The following ZNF280C variants were observed in gnomAD, a reference collection of about 807,000 sequenced individuals.
ZNF280C encodes the protein suppressor of hairy wing homolog 3.
ZNF280C carries 14 observed loss-of-function variants against 53.6 expected under a neutral mutation model. The ratio of observed to expected loss-of-function variants is 0.26; its 90% confidence interval spans 0.17 to 0.41. ZNF280C has a LOEUF of 0.41. ZNF280C is among the 10% of genes least tolerant of loss of function. ZNF280C has a pLI of 1.00. For synonymous variants in ZNF280C, 203 were observed against 181.1 expected (o/e 1.12, Z -0.97); for missense variants, 416 against 547.1 (o/e 0.76, Z 2.39).
chrX:130,255,404 T>G (rs2032559007), intron 2 of ZNF280C, among the ~76,000 whole-genome samples: 1 of 104,229 alleles, frequency 9.6e-6, no homozygotes. Context: ...CCTCCCAAAG[T>G]GCTGGGATTA....
chrX:130,250,503 C>T (rs1166281614), intron 2 of ZNF280C, among the ~76,000 whole-genome samples: 3 of 111,923 alleles, frequency 2.7e-5, no homozygotes, highest in Non-Finnish European at 5.6e-5. Flanking sequence ...TTATGAACAC[C>T]TCTATGCACA....
chrX:130,205,394 A>G lies in ZNF280C; in HGVS notation c.2064T>C (p.Leu688=), dbSNP rs1216024939. ...AAGAATCAGCTAGGAAATCACATTT[A>G]AGGCACACTAGAGTAATGCCCCTAT... ...GTLRGITLVC[L]KCDFLADSSG... Residue 688 remains leucine, a synonymous_variant, in exon 17 of 19, where the codon CTT becomes CTC. Transcript: ENST00000370978. 8.4e-7 allele frequency: 1 copy of G among 1,196,304 alleles called. No individual in the cohort carries two copies. The highest frequency in any genetic ancestry group is 1.8e-5 in the African/African-American group (1 of 56,690).
At chrX:130,222,675 G>A (rs2032180955) in intron 12 of ZNF280C, among the ~76,000 whole-genome samples, 1 of 111,390 alleles carries the variant, frequency 9.0e-6, no homozygotes, top group Admixed American at 9.5e-5. Flanking sequence ...ACTTTTTTTT[G>A]TTTTTTGAGA....
At chrX:130,262,105 T>C (rs1309617130) in intron 1 of ZNF280C, among the ~76,000 whole-genome samples, 1 of 112,182 alleles carries the variant, frequency 8.9e-6, no homozygotes, top group Admixed American at 9.5e-5. Context: ...GAGATAGCTT[T>C]TGAGGCCCAA....
rs184920659 is a variant in ZNF280C at position 130,203,441 on chromosome X, C to G, written c.*1536G>C. The G allele has an allele frequency of 9.0e-6, 1 of 111,358 alleles. No homozygotes were observed. Among genetic ancestry groups the G allele is most frequent in the African/African-American group, 3.3e-5 (1 of 30,613 alleles). The allele number at this position is 111,358 out of a possible 1,213,427, so 9.2% of individuals were successfully genotyped here. On this transcript the variant is annotated 3_prime_UTR_variant, in exon 19 of 19. Coordinates refer to ENST00000370978, the MANE Select transcript of ZNF280C (RefSeq NM_017666.5). ...GGAGGACGAGGCGGACTGATCACGA[C>G]GTCAGGAGATCGAGACCATCCTGGC... is the stretch of plus-strand genomic sequence containing the variant.
At chrX:130,227,826 T>TA in intron 10 of ZNF280C, 44 bp from the exon 11 acceptor site, 4 of 723,108 alleles carry the variant, frequency 5.5e-6, no homozygotes, top group Non-Finnish European at 8.5e-6. Context: ...AGGATGTATA[T>TA]AAAAAAAGAT....
chrX:130,260,525 T>G, intron 1 of ZNF280C, 60 bp from the exon 2 acceptor site: 2 of 936,450 alleles, frequency 2.1e-6, no homozygotes, highest in Non-Finnish European at 3.0e-6. Context: ...ACACCAAGTA[T>G]TGAAACATGA....
chrX:130,239,876 T>C (rs937096334), intron 5 of ZNF280C, among the ~76,000 whole-genome samples, 183 bp from the exon 6 acceptor site: 14 of 111,441 alleles, frequency 1.3e-4, no homozygotes, highest in South Asian at 7.4e-4. Context: ...CTCTGCATTA[T>C]TTTTGTAATT....
intron 8 of ZNF280C, among the ~76,000 whole-genome samples, chrX:130,235,596 C>A (rs954616594): frequency 8.9e-6 from 1 of 112,126 alleles, no homozygotes; most frequent in African/African-American, 3.2e-5. Flanking sequence ...TAAATTGATA[C>A]ATAATGTTTA....
intron 8 of ZNF280C, among the ~76,000 whole-genome samples, chrX:130,233,047 T>C (rs1603242472): frequency 9.0e-6 from 1 of 111,602 alleles, no homozygotes; most frequent in Non-Finnish European, 1.9e-5. Flanking sequence ...AGAAATCTTA[T>C]TTGCACCAAC....
intron 1 of ZNF280C, among the ~76,000 whole-genome samples, chrX:130,263,603 G>A (rs1197030966): frequency 1.8e-5 from 2 of 111,595 alleles, no homozygotes; most frequent in Non-Finnish European, 3.8e-5. Context: ...TTCTTACTGG[G>A]GTGATGAAAA....
intron 1 of ZNF280C, among the ~76,000 whole-genome samples, chrX:130,264,037 A>AG: frequency 9.5e-6 from 1 of 105,091 alleles, no homozygotes; most frequent in Admixed American, 1.0e-4. Flanking sequence ...AAAAAAAAAA[A>AG]AAAAGAAAAG....
chrX:130,252,137 GAAAAAACCAAAAATC>G (rs959866481), intron 2 of ZNF280C, among the ~76,000 whole-genome samples: 9 of 111,511 alleles, frequency 8.1e-5, no homozygotes, highest in Non-Finnish European at 1.9e-5. Context: ...AACAAAAAAC[GAAAAAACCAAAAATC>G]AAAAAACCAA....
chrX:130,248,461 G>A (rs1235043367), intron 2 of ZNF280C, among the ~76,000 whole-genome samples: 1 of 111,258 alleles, frequency 9.0e-6, no homozygotes, highest in Non-Finnish European at 1.9e-5. Flanking sequence ...GGCAGCACAC[G>A]AGCCAGAGTG....
At chrX:130,235,508 T>C (rs1273587592) in intron 8 of ZNF280C, among the ~76,000 whole-genome samples, 2 of 112,269 alleles carry the variant, frequency 1.8e-5, no homozygotes, top group Admixed American at 1.9e-4. Context: ...AGCAAGACTC[T>C]GTCTCAAATA....
intron 8 of ZNF280C, among the ~76,000 whole-genome samples, chrX:130,233,834 A>T (rs970605693): frequency 9.1e-6 from 1 of 110,290 alleles, no homozygotes; most frequent in East Asian, 2.8e-4. Flanking sequence ...TAGGTCAATC[A>T]TACCTCAATA....
intron 3 of ZNF280C, among the ~76,000 whole-genome samples, chrX:130,244,334 G>C (rs1425010459): frequency 8.9e-6 from 1 of 111,999 alleles, no homozygotes. Flanking sequence ...GTACCCATAT[G>C]AACTCCGTAA....
intron 1 of ZNF280C, among the ~76,000 whole-genome samples, chrX:130,263,443 G>A (rs897504662): frequency 8.9e-6 from 1 of 112,156 alleles, no homozygotes; most frequent in African/African-American, 3.2e-5. Flanking sequence ...CTAAGTGAAG[G>A]AAGACAGTCA....
At chrX:130,255,421 TG>T (rs2032559222) in intron 2 of ZNF280C, among the ~76,000 whole-genome samples, 1 of 103,419 alleles carries the variant, frequency 9.7e-6, no homozygotes. Flanking sequence ...ATTACAGGCG[TG>T]AGCCACCGCG....
Sources: gnomAD v4.1 joint callset for allele counts (sites outside exome capture counted in the v4.1 genomes callset) on GRCh38, gnomAD v4.1.1 for gene constraint, MANE v1.5 for transcripts, NCBI Gene and HGNC (gene_info 2026-07-23, HGNC 2026-07-21) for gene names.